Variants in PCOLCE observed in about 807,000 individuals in gnomAD.
PCOLCE encodes the protein procollagen C-endopeptidase enhancer 1.
Under a neutral mutation model 47.2 loss-of-function variants are expected in PCOLCE, and 33 were observed. The observed-to-expected ratio is 0.70, with a 90% confidence interval of 0.53 to 0.93. PCOLCE has a LOEUF of 0.93. Ranked by LOEUF, PCOLCE falls within the 40% of genes least tolerant of loss-of-function variation. The pLI is 0.00. For synonymous variants in PCOLCE, 254 were observed against 252.5 expected, an observed-to-expected ratio of 1.01 and a Z score of -0.06; for missense variants, 584 against 585.3, an observed-to-expected ratio of 1.00 and a Z score of 0.02.
At position 100,604,550 on chromosome 7, in the gene PCOLCE, C is replaced by A. The variant is rs1008090681; in HGVS notation, c.463+333C>A. 13 of 438,804 alleles carry A rather than the reference C, an allele frequency of 3.0e-5. No homozygotes were observed. Among genetic ancestry groups the A allele is most frequent in the African/African-American group, 6.1e-5 (3 of 49,278 alleles). The allele number at this position is 438,804 out of a possible 1,614,324, so 27.2% of individuals were successfully genotyped here. On this transcript the variant is annotated intron_variant, in intron 3 of 8. Transcript: ENST00000223061. This position sits in a 1 kb window ranked among gnomAD's most constrained non-coding sequence, Gnocchi z 6.4. ...CCGCAATCGGGCTCCCTCCGTCGGG[C>A]GCGAGGGGGCACCCCAGGGCTGGGG... is the stretch of plus-strand genomic sequence containing the variant.
In PCOLCE at chr7:100,606,590, C is replaced by T; in HGVS notation, c.900C>T (p.Ser300=). Residue 300 remains serine, a synonymous_variant, in exon 6 of 9, where the codon TCC becomes TCT. Coordinates refer to ENST00000223061, the MANE Select transcript of PCOLCE (RefSeq NM_002593.4). ...CTAAAGTCAAGCTGCCCCCCAAGTC[C>T]CAACCTCCGGAGAAAACAGAGGAAT... is the stretch of plus-strand genomic sequence containing the variant. ...TEPKVKLPPK[S]QPPEKTEESP... 2 of 1,613,524 alleles carry T rather than the reference C, an allele frequency of 1.2e-6. No homozygotes were observed. The highest frequency in any genetic ancestry group is 1.1e-5 in the South Asian group (1 of 91,048).
In PCOLCE at chr7:100,607,795, C is replaced by T. The variant is rs556658822; in HGVS notation, c.1171C>T (p.Pro391Ser). 2 of 1,614,100 alleles carry T rather than the reference C, an allele frequency of 1.2e-6. No individual in the cohort carries two copies. The highest frequency in any genetic ancestry group is 2.2e-5 in the East Asian group (1 of 44,884). The change falls in exon 8 of 9, where the codon CCC becomes TCC. Residue 391 changes from proline to serine, a missense_variant. Transcript: ENST00000223061. ...TTACGTGCCTTGCAAGCAGTGCCCC[C>T]CCATGAAGAAAGGTAACAGAGATGT... The part of the protein sequence containing the change: ...KFYVPCKQCP[P>S]MKKGVSYLLM...
Position 100,605,624 on chromosome 7 carries a change from C to G in PCOLCE, c.589-52C>G. On this transcript the variant is annotated intron_variant, in intron 4 of 8. Transcript: ENST00000223061. This position sits in a 1 kb window ranked among gnomAD's most constrained non-coding sequence, Gnocchi z 6.1. ...CAGGCACCCAGTAGGAGATGAGGTG[C>G]AGGCGCCCAGGGGTGTCCCGCCGCG... The G allele has an allele frequency of 6.5e-7, 1 of 1,540,856 alleles. No individual in the cohort carries two copies. The highest frequency in any genetic ancestry group is 8.8e-7 in the Non-Finnish European group (1 of 1,141,512).
At position 100,604,810 on chromosome 7, in the gene PCOLCE, G is replaced by A; in HGVS notation, c.464-281G>A. 2.2e-6 allele frequency: 1 copy of A among 461,038 alleles called. No homozygotes were observed. Among genetic ancestry groups the A allele is most frequent in the Non-Finnish European group, 3.9e-6 (1 of 254,502 alleles). The allele number at this position is 461,038 out of a possible 1,614,324, so 28.6% of individuals were successfully genotyped here. On this transcript the variant is annotated intron_variant, in intron 3 of 8. Coordinates refer to ENST00000223061, the MANE Select transcript of PCOLCE (RefSeq NM_002593.4). The surrounding 1 kb of genome is among the most constrained non-coding windows in gnomAD (Gnocchi z 6.4). ...TCTCCTAGGGGAAGAGGCGCGGTGC[G>A]GCCGCGGGTCGGGGAGGGGCCAGAA...
In PCOLCE at chr7:100,602,502, G is replaced by T. The variant is rs372249019; in HGVS notation, c.46G>T (p.Ala16Ser). 2 of 1,613,032 alleles carry T rather than the reference G, an allele frequency of 1.2e-6. No homozygotes were observed. The highest frequency in any genetic ancestry group is 1.7e-6 in the Non-Finnish European group (2 of 1,179,910). Residue 16 changes from alanine to serine, a missense_variant, in exon 1 of 9, where the codon GCC becomes TCC. Coordinates refer to ENST00000223061, the MANE Select transcript of PCOLCE (RefSeq NM_002593.4). The part of the protein sequence containing the change: ...TASLLGPLLT[A>S]CALLPFAQGQ... ...CTCCCTCCTGGGGCCCCTCCTCACT[G>T]CCTGCGCCCTGCTGCCTTTTGCCCA...
At position 100,604,824 on chromosome 7, in the gene PCOLCE, G is replaced by A. The variant is rs1321095519; in HGVS notation, c.464-267G>A. 71 of 486,646 alleles carry A rather than the reference G, an allele frequency of 1.5e-4. No individual in the cohort carries two copies. The highest frequency in any genetic ancestry group is 2.0e-4 in the Non-Finnish European group (54 of 270,266). 30.1% of individuals were successfully genotyped at this position (486,646 alleles called of 1,614,324 possible). On this transcript the variant is annotated intron_variant, in intron 3 of 8. Coordinates refer to ENST00000223061, the MANE Select transcript of PCOLCE (RefSeq NM_002593.4). This position sits in a 1 kb window ranked among gnomAD's most constrained non-coding sequence, Gnocchi z 6.4. ...AGGCGCGGTGCGGCCGCGGGTCGGGGAGGGGCCAGAAGGGGGCGTCCAGCC... is the reference window on the plus strand; with the variant it reads ...AGGCGCGGTGCGGCCGCGGGTCGGGAAGGGGCCAGAAGGGGGCGTCCAGCC...
In PCOLCE at chr7:100,605,469, T is replaced by C; in HGVS notation, c.589-207T>C. 3 of 682,962 alleles carry C rather than the reference T, an allele frequency of 4.4e-6. No homozygotes were observed. Among genetic ancestry groups the C allele is most frequent in the Non-Finnish European group, 7.3e-6 (3 of 411,728 alleles). 42.3% of individuals were successfully genotyped at this position (682,962 alleles called of 1,614,324 possible). ...TGTCACTTGTGAGTGCGCCAGGACT[T>C]GACCTTGCCAACCACGACGACCGAC... On this transcript the variant is annotated intron_variant, in intron 4 of 8. Transcript: ENST00000223061. This position sits in a 1 kb window ranked among gnomAD's most constrained non-coding sequence, Gnocchi z 6.1.
rs1169067511 is a variant in PCOLCE at position 100,605,465 on chromosome 7, G to T, written c.589-211G>T. 4 of 673,886 alleles carry T rather than the reference G, an allele frequency of 5.9e-6. No homozygotes were observed. Among genetic ancestry groups the T allele is most frequent in the African/African-American group, 3.6e-5 (2 of 55,116 alleles). 41.7% of individuals were successfully genotyped at this position (673,886 alleles called of 1,614,324 possible). The stretch of plus-strand genomic sequence containing the variant: ...GGCCTGTCACTTGTGAGTGCGCCAG[G>T]ACTTGACCTTGCCAACCACGACGAC... On this transcript the variant is annotated intron_variant, in intron 4 of 8. Coordinates refer to ENST00000223061, the MANE Select transcript of PCOLCE (RefSeq NM_002593.4). The surrounding 1 kb of genome is among the most constrained non-coding windows in gnomAD (Gnocchi z 6.1).
At position 100,606,665 on chromosome 7, in the gene PCOLCE, C is replaced by T. The variant is rs185717591; in HGVS notation, c.940+35C>T. 6,484 of 1,500,210 alleles carry T rather than the reference C, an allele frequency of 4.3e-3. 39 individuals are homozygous for T. Among genetic ancestry groups the T allele is most frequent in the Non-Finnish European group, 4.1e-3 (4,550 of 1,104,172 alleles). The allele number at this position is 1,500,210 out of a possible 1,614,324, so 92.9% of individuals were successfully genotyped here. A position where few individuals can be genotyped will look rare whatever the true frequency, so the allele number is the denominator to read the frequency against. ...GGATAGGGGAGGAAGGGGAAACAGA[C>T]TGAAGGGGGCCATTTCAAAAAGTTC... is the stretch of plus-strand genomic sequence containing the variant. On this transcript the variant is annotated intron_variant, in intron 6 of 8. Transcript: ENST00000223061.
At position 100,605,640 on chromosome 7, in the gene PCOLCE, T is replaced by C. The variant is rs754572139; in HGVS notation, c.589-36T>C. 1.2e-5 allele frequency: 18 copies of C among 1,556,028 alleles called. No individual in the cohort carries two copies. Among genetic ancestry groups the C allele is most frequent in the Non-Finnish European group, 1.6e-5 (18 of 1,150,572 alleles). On this transcript the variant is annotated intron_variant, in intron 4 of 8. Transcript: ENST00000223061. This position sits in a 1 kb window ranked among gnomAD's most constrained non-coding sequence, Gnocchi z 6.1. ...GATGAGGTGCAGGCGCCCAGGGGTG[T>C]CCCGCCGCGCAGTCCCCGCCTCCGC...
chr7:100,604,015 C>T lies in PCOLCE; in HGVS notation c.261C>T (p.His87=). Residue 87 remains histidine, a synonymous_variant, in exon 3 of 9, where the codon CAC becomes CAT. Coordinates refer to ENST00000223061, the MANE Select transcript of PCOLCE (RefSeq NM_002593.4). The surrounding 1 kb of genome is among the most constrained non-coding windows in gnomAD (Gnocchi z 6.4). ...TCCGAGTCTTCGACCTGGAGCTGCA[C>T]CCCGCCTGCCGCTACGATGCTCTGG... ...LSFRVFDLEL[H]PACRYDALEV... 4 of 1,605,470 alleles carry T rather than the reference C, an allele frequency of 2.5e-6. No individual in the cohort carries two copies. Among genetic ancestry groups the T allele is most frequent in the African/African-American group, 1.3e-5 (1 of 75,050 alleles).
rs763668549 is a variant in PCOLCE, at chr7:100,603,534, T to C, written c.200T>C (p.Ile67Thr). ...YPPNKECIWT[I>T]TVPEGQTVSL... ...CCTAATAAGGAGTGCATCTGGACCA[T>C]AACGGTGAGAAACCCCTCTGGGCAC... Residue 67 changes from isoleucine (I) to threonine (T), a missense_variant, in exon 2 of 9, where the codon ATA becomes ACA. Transcript: ENST00000223061. The C allele has an allele frequency of 1.3e-6, 2 of 1,560,154 alleles. No individual in the cohort carries two copies. The highest frequency in any genetic ancestry group is 2.3e-5 in the East Asian group (1 of 43,992).
Position 100,606,463 on chromosome 7 carries a change from A to G in PCOLCE, c.773A>G (p.Asp258Gly). ...GAACTCCTCGTCCAGTTCGTCTCAG[A>G]TCTCAGTGTCACCGCTGATGGCTTC... ...GNELLVQFVS[D>G]LSVTADGFSA... Residue 258 changes from aspartate to glycine, a missense_variant, in exon 6 of 9, where the codon GAT (aspartate) becomes GGT (glycine). Asp to Gly is a moderately conservative substitution (Grantham distance 94). Transcript: ENST00000223061. 1 of 1,614,086 alleles carries G rather than the reference A, an allele frequency of 6.2e-7. No homozygotes were observed. The highest frequency in any genetic ancestry group is 8.5e-7 in the Non-Finnish European group (1 of 1,179,960).
rs376141652 is a variant in PCOLCE at position 100,604,816 on chromosome 7, G to C, written c.464-275G>C. 87 of 469,716 alleles carry C rather than the reference G, an allele frequency of 1.9e-4. No homozygotes were observed. Among genetic ancestry groups the C allele is most frequent in the East Asian group, 1.4e-3 (39 of 27,362 alleles). 29.1% of individuals were successfully genotyped at this position (469,716 alleles called of 1,614,324 possible). ...AGGGGAAGAGGCGCGGTGCGGCCGC[G>C]GGTCGGGGAGGGGCCAGAAGGGGGC... On this transcript the variant is annotated intron_variant, in intron 3 of 8. Coordinates refer to ENST00000223061, the MANE Select transcript of PCOLCE (RefSeq NM_002593.4). This position sits in a 1 kb window ranked among gnomAD's most constrained non-coding sequence, Gnocchi z 6.4.
rs1375023628 is a variant in PCOLCE, at chr7:100,605,246, G to A, written c.588+31G>A. 3 of 1,591,528 alleles carry A rather than the reference G, an allele frequency of 1.9e-6. No individual in the cohort carries two copies. The highest frequency in any genetic ancestry group is 2.7e-5 in the African/African-American group (2 of 74,456). On this transcript the variant is annotated intron_variant, in intron 4 of 8. Transcript: ENST00000223061. The surrounding 1 kb of genome is among the most constrained non-coding windows in gnomAD (Gnocchi z 6.1). Reference sequence around the variant, plus strand: ...GACCCTCCTCCCCGGGCTGCCCTAGGGGACCCAGGCGGCGCCCTCCAGCTT... The same window carrying A: ...GACCCTCCTCCCCGGGCTGCCCTAGAGGACCCAGGCGGCGCCCTCCAGCTT...
Position 100,604,559 on chromosome 7 carries a change from G to A in PCOLCE, c.463+342G>A, listed in dbSNP as rs1009661832. The A allele has an allele frequency of 1.4e-5, 6 of 426,662 alleles. No homozygotes were observed. Among genetic ancestry groups the A allele is most frequent in the African/African-American group, 2.0e-5 (1 of 48,894 alleles). 26.4% of individuals were successfully genotyped at this position (426,662 alleles called of 1,614,324 possible). ...GGCTCCCTCCGTCGGGCGCGAGGGG[G>A]CACCCCAGGGCTGGGGGGACTAGGT... On this transcript the variant is annotated intron_variant, in intron 3 of 8. Coordinates refer to ENST00000223061, the MANE Select transcript of PCOLCE (RefSeq NM_002593.4). The surrounding 1 kb of genome is among the most constrained non-coding windows in gnomAD (Gnocchi z 6.4).
chr7:100,606,754 C>T, intron 6 of PCOLCE, 124 bp downstream of exon 6: 1 of 714,198 alleles, frequency 1.4e-6, no homozygotes, highest in African/African-American at 1.8e-5. Context: ...AGCAGGATCG[C>T]TTAAGCCTAG....
rs1207853397 is a variant in PCOLCE at position 100,605,324 on chromosome 7, C to A, written c.588+109C>A. 3 of 1,172,410 alleles carry A rather than the reference C, an allele frequency of 2.6e-6. No homozygotes were observed. Among genetic ancestry groups the A allele is most frequent in the Non-Finnish European group, 3.6e-6 (3 of 840,202 alleles). The allele number at this position is 1,172,410 out of a possible 1,614,324, so 72.6% of individuals were successfully genotyped here. ...TGCTGTGTCCCGAGCACTGCGCTTG[C>A]GCTGGTGGGCACCCAAAACAGCCCC... On this transcript the variant is annotated intron_variant, in intron 4 of 8. Coordinates refer to ENST00000223061, the MANE Select transcript of PCOLCE (RefSeq NM_002593.4). This position sits in a 1 kb window ranked among gnomAD's most constrained non-coding sequence, Gnocchi z 6.1.
At position 100,605,119 on chromosome 7, in the gene PCOLCE, G is replaced by C. The variant is rs1223450485; in HGVS notation, c.492G>C (p.Glu164Asp). Reference protein sequence around the residue: ...TEHQFCGGRLEKAQGTLTTPN... With the variant: ...TEHQFCGGRLDKAQGTLTTPN... ...ACCAATTTTGCGGGGGGCGGCTGGA[G>C]AAGGCCCAGGGAACCCTGACCACGC... Residue 164 changes from glutamate to aspartate, a missense_variant, in exon 4 of 9, where the codon GAG becomes GAC. Physicochemically the swap from Glu to Asp is conservative, Grantham distance 45. Transcript: ENST00000223061. The surrounding 1 kb of genome is among the most constrained non-coding windows in gnomAD (Gnocchi z 6.1). 6 of 1,612,614 alleles carry C rather than the reference G, an allele frequency of 3.7e-6. No homozygotes were observed. Among genetic ancestry groups the C allele is most frequent in the Non-Finnish European group, 5.1e-6 (6 of 1,179,522 alleles).
Sources: allele counts gnomAD v4.1 joint callset, GRCh38; gene constraint gnomAD v4.1.1; non-coding constraint Gnocchi (gnomAD v3.1); transcripts MANE v1.5; gene names NCBI Gene and HGNC (gene_info 2026-07-23, HGNC 2026-07-21).